The following STARD8 variants were observed in gnomAD, a reference collection of about 807,000 sequenced individuals.
STARD8 encodes stAR-related lipid transfer protein 8.
Under a neutral mutation model 69.4 loss-of-function variants are expected in STARD8, and 25 were observed. The observed-to-expected ratio is 0.36, with a 90% CI of 0.26 to 0.50. The LOEUF (loss-of-function observed/expected upper bound fraction) is 0.50, where lower values mean the gene tolerates loss of function less well. Among genes scored for constraint, STARD8 ranks in the 20% least tolerant of loss-of-function variants. The probability of loss-of-function intolerance (pLI) is 0.96; values close to 1 mark genes in which losing one functional copy is unlikely to be tolerated. For synonymous variants in STARD8, 389 were observed against 374.6 expected, an observed-to-expected ratio of 1.04 and a Z score of -0.45; for missense variants, 921 against 932.5, an observed-to-expected ratio of 0.99 and a Z score of 0.16.
In STARD8 at chrX:68,722,083, C is replaced by T; in HGVS notation, c.2496C>T (p.Gly832=). 8.3e-7 allele frequency: 1 copy of T among 1,206,094 alleles called. No homozygotes were observed. Among genetic ancestry groups the T allele is most frequent in the Non-Finnish European group, 1.1e-6 (1 of 891,203 alleles). ...AACGCAGCCTCATTGGCAGGCCAGGCCCTAGGGACCTGAGTGACAACATGG... is the reference window on the plus strand; with the variant it reads ...AACGCAGCCTCATTGGCAGGCCAGGTCCTAGGGACCTGAGTGACAACATGG... ...KSKRSLIGRP[G]PRDLSDNMAA... is the part of the protein sequence containing the mutation. The change falls in exon 11 of 15, where the codon GGC becomes GGT. Residue 832 remains glycine, a synonymous_variant. Transcript: ENST00000374599.
intron 1 of STARD8, among the ~76,000 whole-genome samples, chrX:68,653,101 C>A (rs1602535074): frequency 2.4e-5 from 1 of 42,526 alleles, no homozygotes; most frequent in Non-Finnish European, 4.3e-5. Context: ...ACCACACACA[C>A]CACACACACA....
At chrX:68,668,280 CTTTCTT>C (rs1569355562) in intron 2 of STARD8, among the ~76,000 whole-genome samples, 4 of 82,523 alleles carry the variant, frequency 4.8e-5, no homozygotes, top group African/African-American at 5.5e-5. Flanking sequence ...CTTTCTCTTT[CTTTCTT>C]TCTTTCTTTC....
intron 2 of STARD8, among the ~76,000 whole-genome samples, chrX:68,704,650 A>T (rs112097193): frequency 0.04 from 4,475 of 111,696 alleles, 215 homozygotes; most frequent in African/African-American, 0.13. Flanking sequence ...AAGCCTAGGC[A>T]GTGGGCGTAT....
chrX:68,685,997 A>T (rs1433797418), intron 2 of STARD8, among the ~76,000 whole-genome samples: 1 of 111,739 alleles, frequency 8.9e-6, no homozygotes, highest in Non-Finnish European at 1.9e-5. Context: ...GGTTGGTGAG[A>T]TTTGGGGGCA....
intron 2 of STARD8, chrX:68,693,899 C>A: frequency 1.5e-6 from 1 of 688,277 alleles, no homozygotes; most frequent in Non-Finnish European, 1.7e-6. Flanking sequence ...CCCCGCTTTG[C>A]CTCTCTGGCG....
chrX:68,663,375 T>C (rs769456993), intron 1 of STARD8, among the ~76,000 whole-genome samples: 2 of 112,220 alleles, frequency 1.8e-5, no homozygotes, highest in East Asian at 5.6e-4. Flanking sequence ...GACATTTACC[T>C]TGACCTTGAG....
At chrX:68,648,134 C>G (rs912336139) in intron 1 of STARD8, among the ~76,000 whole-genome samples, 2 of 112,392 alleles carry the variant, frequency 1.8e-5, no homozygotes, top group Non-Finnish European at 3.8e-5. Context: ...ACAAACAAGT[C>G]TGCTAGTTGG....
At chrX:68,652,423 G>A (rs920153931) in intron 1 of STARD8, among the ~76,000 whole-genome samples, 1 of 111,378 alleles carries the variant, frequency 9.0e-6, no homozygotes, top group Non-Finnish European at 1.9e-5. Flanking sequence ...CAGGGATGGT[G>A]GGAAGGTGGC....
chrX:68,724,077 C>G lies in STARD8; in HGVS notation c.3150C>G (p.Gly1050=). ...LTSQYLMEPC[G]LGRSRLTHIC... ...CCCAGTACCTCATGGAGCCTTGCGG[C>G]TTGGGCCGCTCTCGGCTCACACACA... The change falls in exon 14 of 15, where the codon GGC becomes GGG. Residue 1050 remains glycine, a synonymous_variant. Transcript: ENST00000374599. The G allele has an allele frequency of 8.3e-7, 1 of 1,211,802 alleles. No homozygotes were observed. Among genetic ancestry groups the G allele is most frequent in the East Asian group, 3.0e-5 (1 of 33,810 alleles).
chrX:68,667,986 G>A (rs1286446200), intron 2 of STARD8, among the ~76,000 whole-genome samples: 1 of 111,069 alleles, frequency 9.0e-6, no homozygotes, highest in Non-Finnish European at 1.9e-5. Flanking sequence ...ACTTTTTAGT[G>A]ACAAAAAAGC....
chrX:68,649,324 G>C (rs1233626132), intron 1 of STARD8, among the ~76,000 whole-genome samples: 1 of 110,923 alleles, frequency 9.0e-6, no homozygotes, highest in Non-Finnish European at 1.9e-5. Context: ...CTGGGGGAAA[G>C]GCTTCTTTCG....
At chrX:68,701,877 G>T (rs1417252917) in intron 2 of STARD8, among the ~76,000 whole-genome samples, 1 of 111,975 alleles carries the variant, frequency 8.9e-6, no homozygotes, top group Non-Finnish European at 1.9e-5. Flanking sequence ...AGGCTGGCTG[G>T]ATTAGCTCTT....
intron 2 of STARD8, among the ~76,000 whole-genome samples, chrX:68,688,138 C>T (rs982729099): frequency 8.0e-5 from 9 of 112,427 alleles, no homozygotes; most frequent in African/African-American, 2.9e-4. Context: ...AAGGGGGGAG[C>T]TGTGCTTGAG....
intron 5 of STARD8, among the ~76,000 whole-genome samples, chrX:68,716,715 C>T (rs2080094474): frequency 1.8e-5 from 2 of 111,471 alleles, no homozygotes; most frequent in African/African-American, 6.5e-5. Flanking sequence ...ACAGGAGGCC[C>T]ATGGGGCCTG....
intron 2 of STARD8, among the ~76,000 whole-genome samples, chrX:68,700,425 C>T (rs1284260823): frequency 8.9e-6 from 1 of 112,600 alleles, no homozygotes; most frequent in East Asian, 2.8e-4. Flanking sequence ...CCCCAAACCA[C>T]ACCCAGCAGC....
chrX:68,671,362 A>G (rs12859012), intron 2 of STARD8, among the ~76,000 whole-genome samples: 22 of 112,106 alleles, frequency 2.0e-4, no homozygotes, highest in Non-Finnish European at 3.2e-4. Flanking sequence ...TAGCTATTAC[A>G]TTATAAAACA....
chrX:68,664,125 G>T (rs190455142), intron 1 of STARD8, among the ~76,000 whole-genome samples: 43 of 112,080 alleles, frequency 3.8e-4, no homozygotes, highest in Non-Finnish European at 7.7e-4. Flanking sequence ...CTATTTTCCT[G>T]ATAACCACTT....
chrX:68,675,043 G>A (rs1265593153), intron 2 of STARD8, among the ~76,000 whole-genome samples: 2 of 105,565 alleles, frequency 1.9e-5, no homozygotes, highest in Non-Finnish European at 3.9e-5. Flanking sequence ...TGCAACCTCC[G>A]CCTCCCGGGT....
intron 1 of STARD8, among the ~76,000 whole-genome samples, chrX:68,661,829 A>C (rs774840858): frequency 1.9e-4 from 21 of 108,463 alleles, no homozygotes; most frequent in African/African-American, 7.1e-4. Context: ...CCCAACCCAG[A>C]ACCTTACCAC....
Sources: allele counts gnomAD v4.1 joint callset (sites outside exome capture counted in the v4.1 genomes callset), GRCh38; gene constraint gnomAD v4.1.1; transcripts MANE v1.5; gene names NCBI Gene and HGNC (gene_info 2026-07-23, HGNC 2026-07-21).